Variants in ADAMTS19 observed in about 807,000 individuals in gnomAD.
ADAMTS19 encodes ADAM metallopeptidase with thrombospondin type 1 motif 19.
Under a neutral mutation model 153.3 loss-of-function variants are expected in ADAMTS19, and 93 were observed. The ratio of observed to expected loss-of-function variants is 0.61; its 90% CI spans 0.51 to 0.72. The LOEUF is 0.72. ADAMTS19 is among the 30% of genes least tolerant of loss of function. The pLI, the probability that ADAMTS19 is intolerant of heterozygous loss-of-function variation, is 0.00. For missense variants in ADAMTS19, 1,482 were observed against 1,552.1 expected (o/e 0.95, Z 0.76); for synonymous variants, 600 against 556.6 (o/e 1.08, Z -1.10).
chr5:129,557,395 C>T (rs140557632), intron 7 of ADAMTS19, among the ~76,000 whole-genome samples: 2 of 151,826 alleles, frequency 1.3e-5, no homozygotes, highest in Non-Finnish European at 2.9e-5. Flanking sequence ...GCCAGGAGTT[C>T]GAAACAAGCC....
intron 7 of ADAMTS19, among the ~76,000 whole-genome samples, chr5:129,556,753 T>C (rs1438674302): frequency 6.6e-6 from 1 of 152,138 alleles, no homozygotes; most frequent in East Asian, 1.9e-4. Flanking sequence ...TCATTATGGA[T>C]GGTTTGAAGA....
At chr5:129,599,099 A>AC (rs1045251663) in intron 8 of ADAMTS19, among the ~76,000 whole-genome samples, 5 of 151,900 alleles carry the variant, frequency 3.3e-5, no homozygotes, top group Non-Finnish European at 4.4e-5. Context: ...TAAAAAAAAA[A>AC]AGATAAATAT....
At chr5:129,612,228 G>T (rs1424347719) in intron 8 of ADAMTS19, among the ~76,000 whole-genome samples, 1 of 148,762 alleles carries the variant, frequency 6.7e-6, no homozygotes, top group Non-Finnish European at 1.5e-5. Context: ...ACGGTGTTTG[G>T]TTTTTTTGTC....
chr5:129,531,613 A>G (rs1304502191), intron 6 of ADAMTS19, among the ~76,000 whole-genome samples: 2 of 152,190 alleles, frequency 1.3e-5, no homozygotes, highest in Non-Finnish European at 2.9e-5. Flanking sequence ...CGACTGAGCA[A>G]GACTCTGTCT....
chr5:129,548,160 C>A lies in ADAMTS19; in HGVS notation c.1329-3704C>A, dbSNP rs202225549. Among the ~76,000 whole-genome samples the A allele has an allele frequency of 4.4e-3, 662 of 150,302 alleles. 27 individuals are homozygous for A. The highest frequency in any genetic ancestry group is 0.026 in the East Asian group (132 of 5,162). ...ACACCAAAAGCAATGGCAACAAAAG[C>A]CAAAATTGACAAATGGGATCTAATT... On this transcript the variant is annotated intron_variant, in intron 6 of 22. Coordinates refer to ENST00000274487, the MANE Select transcript of ADAMTS19 (RefSeq NM_133638.6).
At chr5:129,573,159 C>T (rs1332169041) in intron 7 of ADAMTS19, among the ~76,000 whole-genome samples, 3 of 152,098 alleles carry the variant, frequency 2.0e-5, no homozygotes, top group Middle Eastern at 3.4e-3. Flanking sequence ...TATCCATCTT[C>T]CCAGTTTTGT....
chr5:129,591,880 T>A (rs767297823), intron 7 of ADAMTS19, among the ~76,000 whole-genome samples: 53 of 152,056 alleles, frequency 3.5e-4, no homozygotes, highest in Non-Finnish European at 7.2e-4. Flanking sequence ...AAACTCTGAT[T>A]TCTTCATTAG....
intron 6 of ADAMTS19, among the ~76,000 whole-genome samples, chr5:129,546,970 A>G (rs1326719588): frequency 6.6e-6 from 1 of 151,030 alleles, no homozygotes; most frequent in Non-Finnish European, 1.5e-5. Context: ...TGCCTTTTTC[A>G]GGAGGAAGAG....
At chr5:129,551,000 T>C (rs1219269275) in intron 6 of ADAMTS19, among the ~76,000 whole-genome samples, 1 of 151,710 alleles carries the variant, frequency 6.6e-6, no homozygotes, top group East Asian at 1.9e-4. Context: ...ATGTGTTAAT[T>C]CATGTCCCTT....
rs201372028 is a variant in ADAMTS19, at chr5:129,611,139, GC to G, written c.1479-9478del. On this transcript the variant is annotated intron_variant, in intron 8 of 22. Coordinates refer to ENST00000274487, the MANE Select transcript of ADAMTS19 (RefSeq NM_133638.6). ...CACCCACTGGTTGATGGGGTCGTTT[GC>G]TTTTCTCTTGTAAATTTCGTTGAGT... Among the ~76,000 whole-genome samples the G allele has an allele frequency of 7.2e-3, 1,101 of 151,972 alleles. 13 individuals carry two copies. The highest frequency in any genetic ancestry group is 0.025 in the African/African-American group (1,045 of 41,502).
chr5:129,513,853 C>T (rs112924990), intron 3 of ADAMTS19, among the ~76,000 whole-genome samples: 2 of 151,836 alleles, frequency 1.3e-5, no homozygotes, highest in African/African-American at 4.8e-5. Context: ...TATAGTTAAC[C>T]TATTGTGCTA....
chr5:129,646,127 A>T (rs943896222), intron 11 of ADAMTS19, among the ~76,000 whole-genome samples: 24 of 151,546 alleles, frequency 1.6e-4, no homozygotes, highest in Non-Finnish European at 2.7e-4. Flanking sequence ...TGACCTCGTG[A>T]TCCGCCCGCC....
intron 8 of ADAMTS19, among the ~76,000 whole-genome samples, chr5:129,611,742 C>CT (rs1423754957): frequency 4.0e-5 from 6 of 151,850 alleles, no homozygotes; most frequent in African/African-American, 1.2e-4. Flanking sequence ...AGCTGTGTTT[C>CT]TTTTGGAAAG....
At chr5:129,711,191 C>G (rs141823064) in intron 21 of ADAMTS19, among the ~76,000 whole-genome samples, 223 of 151,942 alleles carry the variant, frequency 1.5e-3, no homozygotes, top group African/African-American at 5.1e-3. Context: ...TAATTAGCAG[C>G]AAAAGCAAAT....
intron 16 of ADAMTS19, among the ~76,000 whole-genome samples, chr5:129,678,742 A>C (rs1754661547): frequency 6.6e-6 from 1 of 152,176 alleles, no homozygotes; most frequent in South Asian, 2.1e-4. Flanking sequence ...TTTAAGGGAA[A>C]TATTCAGATA....
At chr5:129,605,494 C>T (rs960669556) in intron 8 of ADAMTS19, among the ~76,000 whole-genome samples, 2 of 152,298 alleles carry the variant, frequency 1.3e-5, no homozygotes, top group South Asian at 2.1e-4. Flanking sequence ...TCTCCACTCA[C>T]GTATCAGGGT....
At chr5:129,460,546 G>T in intron 1 of ADAMTS19, 64 bp downstream of exon 1, 3 of 1,588,866 alleles carry the variant, frequency 1.9e-6, no homozygotes, top group Non-Finnish European at 2.6e-6. Flanking sequence ...GCGAACGTAC[G>T]GGTCGGCAGG....
At chr5:129,601,001 G>A (rs1286033012) in intron 8 of ADAMTS19, among the ~76,000 whole-genome samples, 2 of 151,968 alleles carry the variant, frequency 1.3e-5, no homozygotes, top group Non-Finnish European at 1.5e-5. Context: ...TTTCTGAGTC[G>A]CTGGGATTAC....
intron 7 of ADAMTS19, among the ~76,000 whole-genome samples, chr5:129,588,220 T>C (rs554290658): frequency 6.6e-6 from 1 of 152,238 alleles, no homozygotes; most frequent in African/African-American, 2.4e-5. Flanking sequence ...TTCCAAAATA[T>C]CCACTTTTTA....
Sources: allele counts gnomAD v4.1 joint callset (sites outside exome capture counted in the v4.1 genomes callset), GRCh38; gene constraint gnomAD v4.1.1; transcripts MANE v1.5; gene names NCBI Gene and HGNC (gene_info 2026-07-23, HGNC 2026-07-21).